Variants in ASIC2 observed in about 807,000 individuals in gnomAD.
The protein encoded by ASIC2 is acid-sensing ion channel 2.
ASIC2 carries 25 observed loss-of-function variants against 57.3 expected under a neutral mutation model. The ratio of observed to expected loss-of-function variants is 0.44; its 90% CI spans 0.32 to 0.61. The LOEUF (loss-of-function observed/expected upper bound fraction) is 0.61. ASIC2 is among the 20% of genes least tolerant of loss of function. The pLI, the probability that ASIC2 is intolerant of heterozygous loss-of-function variation, is 0.06. For synonymous variants in ASIC2, 319 were observed against 307.5 expected (o/e 1.04, Z -0.39); for missense variants, 641 against 738.1 (o/e 0.87, Z 1.52).
At chr17:33,797,957 C>A (rs759703186) in intron 1 of ASIC2, among the ~76,000 whole-genome samples, 1 of 151,938 alleles carries the variant, frequency 6.6e-6, no homozygotes, top group Non-Finnish European at 1.5e-5. Flanking sequence ...CAGAGCCTGG[C>A]GAGAGAGGGA....
intron 1 of ASIC2, among the ~76,000 whole-genome samples, chr17:33,264,008 CT>C (rs1909375939): frequency 6.6e-6 from 1 of 152,246 alleles, no homozygotes. Flanking sequence ...CTCCTGCCAG[CT>C]GTGTGACCTT....
chr17:33,663,259 G>C (rs1175994478), intron 1 of ASIC2, among the ~76,000 whole-genome samples: 1 of 152,208 alleles, frequency 6.6e-6, no homozygotes, highest in East Asian at 1.9e-4. Flanking sequence ...ATCCGGGTTT[G>C]TCTGATTCCA....
intron 1 of ASIC2, among the ~76,000 whole-genome samples, chr17:33,604,752 G>A (rs1369111): frequency 0.14 from 20,894 of 152,042 alleles, 1,622 homozygotes; most frequent in Non-Finnish European, 0.17. Context: ...GGGTCTCAGG[G>A]TGGAAGGGAG....
chr17:34,071,103 C>CACACCCTTGTTACATGCA (rs1909382087), intron 1 of ASIC2: 2 of 121,832 alleles, frequency 1.6e-5, no homozygotes, highest in African/African-American at 7.5e-5. Context: ...CAAGTGTGCA[C>CACACCCTTGTTACATGCA]ACACCCTTGT....
chr17:34,013,169 A>T (rs1429995975), intron 1 of ASIC2, among the ~76,000 whole-genome samples: 4 of 152,216 alleles, frequency 2.6e-5, no homozygotes, highest in Non-Finnish European at 5.9e-5. Flanking sequence ...GCCAACTGGC[A>T]GTGGAATCCT....
intron 1 of ASIC2, chr17:34,037,665 T>C (rs1907941615): frequency 1.2e-6 from 2 of 1,613,718 alleles, no homozygotes; most frequent in Non-Finnish European, 8.5e-7. Context: ...GTTGATGCAA[T>C]AGCAGCTCCA....
chr17:33,576,380 G>A (rs1916621946), intron 1 of ASIC2, among the ~76,000 whole-genome samples: 1 of 152,218 alleles, frequency 6.6e-6, no homozygotes, highest in South Asian at 2.1e-4. Flanking sequence ...GTATAGATGT[G>A]ACTAGGTATG....
chr17:33,210,766 C>T (rs1472133303), intron 1 of ASIC2, among the ~76,000 whole-genome samples: 1 of 152,202 alleles, frequency 6.6e-6, no homozygotes, highest in South Asian at 2.1e-4. Context: ...GTGCAGGACC[C>T]TGCCTAGATG....
chr17:34,053,792 G>A (rs1218510599), intron 1 of ASIC2, among the ~76,000 whole-genome samples: 2 of 152,206 alleles, frequency 1.3e-5, no homozygotes, highest in Non-Finnish European at 2.9e-5. Flanking sequence ...GCAGGTACTG[G>A]CATTTGGAAG....
chr17:33,926,843 G>A (rs980439978), intron 1 of ASIC2, among the ~76,000 whole-genome samples: 4 of 152,162 alleles, frequency 2.6e-5, no homozygotes, highest in Non-Finnish European at 4.4e-5. Context: ...ATTTTGTTGT[G>A]TGCCTGCATT....
chr17:33,997,658 A>G (rs1451050255), intron 1 of ASIC2, among the ~76,000 whole-genome samples: 3 of 152,138 alleles, frequency 2.0e-5, no homozygotes, highest in Non-Finnish European at 2.9e-5. Flanking sequence ...TCATTCTGTG[A>G]ATGCGGTGTA....
intron 1 of ASIC2, among the ~76,000 whole-genome samples, chr17:33,469,565 C>A (rs909048407): frequency 6.6e-6 from 1 of 152,122 alleles, no homozygotes; most frequent in East Asian, 1.9e-4. Flanking sequence ...TGCATGGACC[C>A]TCTGGAGCCA....
intron 3 of ASIC2, among the ~76,000 whole-genome samples, chr17:33,074,526 C>A (rs1371159505): frequency 2.0e-5 from 3 of 152,172 alleles, no homozygotes; most frequent in Non-Finnish European, 4.4e-5. Flanking sequence ...CAGGAGAAGG[C>A]CTTTGGGTTC....
intron 1 of ASIC2, chr17:34,038,080 C>T: frequency 6.2e-7 from 1 of 1,613,332 alleles, no homozygotes; most frequent in Non-Finnish European, 8.5e-7. Context: ...TATCATCATC[C>T]ATGATCTTCG....
At chr17:33,103,953 A>G (rs1597579327) in intron 2 of ASIC2, among the ~76,000 whole-genome samples, 1 of 151,856 alleles carries the variant, frequency 6.6e-6, no homozygotes, top group African/African-American at 2.4e-5. Flanking sequence ...TTTTACCTCC[A>G]CCTCTCAAAC....
At chr17:34,008,922 T>C (rs1366611263) in intron 1 of ASIC2, among the ~76,000 whole-genome samples, 2 of 152,226 alleles carry the variant, frequency 1.3e-5, no homozygotes, top group Non-Finnish European at 2.9e-5. Flanking sequence ...ACAAGGACAT[T>C]TGGGCATGAA....
At chr17:33,232,221 C>T (rs574902262) in intron 1 of ASIC2, among the ~76,000 whole-genome samples, 7 of 152,144 alleles carry the variant, frequency 4.6e-5, no homozygotes, top group South Asian at 2.1e-4. Flanking sequence ...TTCCTTTTCC[C>T]GTGCCATGCA....
At chr17:33,280,791 C>T (rs1371877310) in intron 1 of ASIC2, among the ~76,000 whole-genome samples, 1 of 152,162 alleles carries the variant, frequency 6.6e-6, no homozygotes, top group East Asian at 1.9e-4. Flanking sequence ...TGAGACTGTG[C>T]TGAGAAGCAG....
At chr17:33,708,559 TCTC>T (rs1385783490) in intron 1 of ASIC2, among the ~76,000 whole-genome samples, 1 of 152,118 alleles carries the variant, frequency 6.6e-6, no homozygotes, top group Admixed American at 6.6e-5. Flanking sequence ...GAAGCCAAGA[TCTC>T]CTCCTCTGAA....
Sources: gnomAD v4.1 joint callset for allele counts (sites outside exome capture counted in the v4.1 genomes callset) on GRCh38, gnomAD v4.1.1 for gene constraint, MANE v1.5 for transcripts, NCBI Gene and HGNC (gene_info 2026-07-23, HGNC 2026-07-21) for gene names.